Variants in LYPLAL1 observed in about 807,000 individuals in gnomAD.
LYPLAL1 encodes the protein lysophospholipase-like protein 1.
In LYPLAL1, 23 loss-of-function variants were observed where a neutral mutation model predicts 19.7. That is an observed-to-expected ratio of 1.17 (90% CI 0.84 to 1.65). The LOEUF (loss-of-function observed/expected upper bound fraction) is 1.65. LYPLAL1 is among the 40% of genes most tolerant of loss of function. The pLI, the probability that LYPLAL1 is intolerant of heterozygous loss-of-function variation, is 0.00. For missense variants in LYPLAL1, 355 were observed against 279.4 expected (o/e 1.27, Z -1.93); for synonymous variants, 119 against 96.3 (o/e 1.24, Z -1.38).
the LYPLAL1 span, among the ~76,000 whole-genome samples, chr1:219,333,880 T>C: frequency 1.3e-5 from 2 of 152,018 alleles, no homozygotes; most frequent in Non-Finnish European, 2.9e-5. Context: ...GCTGCCAACT[T>C]GCCCTCTTTC....
the LYPLAL1 span, among the ~76,000 whole-genome samples, chr1:219,309,720 C>A: frequency 2.0e-5 from 3 of 152,188 alleles, no homozygotes; most frequent in Non-Finnish European, 4.4e-5. Context: ...GATTCTGAGG[C>A]CTCCCCAGCC....
At chr1:219,274,841 TAA>T in the LYPLAL1 span, among the ~76,000 whole-genome samples, 7 of 152,196 alleles carry the variant, frequency 4.6e-5, no homozygotes, top group Non-Finnish European at 7.3e-5. Context: ...AATTACTTGT[TAA>T]AAGTTTACAT....
the LYPLAL1 span, among the ~76,000 whole-genome samples, chr1:219,384,554 A>C: frequency 3.9e-5 from 6 of 152,218 alleles, no homozygotes; most frequent in African/African-American, 9.6e-5. Flanking sequence ...TGATTGAATT[A>C]AAATGTATAG....
the LYPLAL1 span, chr1:219,270,882 A>T: frequency 6.6e-6 from 1 of 152,154 alleles, no homozygotes; most frequent in African/African-American, 2.4e-5. Context: ...GGGGGAAACA[A>T]ACAAGAAAAG....
At chr1:219,443,022 A>G in the LYPLAL1 span, among the ~76,000 whole-genome samples, 1 of 151,958 alleles carries the variant, frequency 6.6e-6, no homozygotes, top group African/African-American at 2.4e-5. Flanking sequence ...AGCCTATCTA[A>G]TGGGCCTCTG....
At chr1:219,324,280 G>A in the LYPLAL1 span, among the ~76,000 whole-genome samples, 1 of 152,206 alleles carries the variant, frequency 6.6e-6, no homozygotes, top group Non-Finnish European at 1.5e-5. Context: ...AGGGATAAGT[G>A]TGACCACGAG....
downstream of LYPLAL1, among the ~76,000 whole-genome samples, chr1:219,215,368 T>C (rs1659254458): frequency 3.3e-5 from 5 of 152,250 alleles, no homozygotes; most frequent in South Asian, 1.0e-3. Context: ...TTGTGTCTTT[T>C]TATTCTTGCT....
intron 2 of LYPLAL1, among the ~76,000 whole-genome samples, chr1:219,183,997 T>C (rs2125040074): frequency 1.3e-5 from 2 of 152,048 alleles, no homozygotes; most frequent in East Asian, 1.9e-4. Flanking sequence ...CACAGCTGTA[T>C]AGAAAATTTT....
At chr1:219,259,679 C>T in the LYPLAL1 span, among the ~76,000 whole-genome samples, 1 of 151,248 alleles carries the variant, frequency 6.6e-6, no homozygotes, top group Non-Finnish European at 1.5e-5. Flanking sequence ...AGACTATACC[C>T]TGGGTATAGG....
chr1:219,315,880 AT>A, the LYPLAL1 span, among the ~76,000 whole-genome samples: 1 of 152,196 alleles, frequency 6.6e-6, no homozygotes, highest in Non-Finnish European at 1.5e-5. Context: ...TAATGGAATA[AT>A]TTAAATTCTT....
At chr1:219,201,233 A>C (rs955539896) in intron 3 of LYPLAL1, among the ~76,000 whole-genome samples, 1 of 152,002 alleles carries the variant, frequency 6.6e-6, no homozygotes, top group Non-Finnish European at 1.5e-5. Flanking sequence ...ATCTTTTATA[A>C]TTGTTTTGAA....
chr1:219,260,124 A>G, the LYPLAL1 span, among the ~76,000 whole-genome samples: 1 of 152,020 alleles, frequency 6.6e-6, no homozygotes, highest in Non-Finnish European at 1.5e-5. Flanking sequence ...TGAAGAGGAA[A>G]TATCAAAATA....
the LYPLAL1 span, among the ~76,000 whole-genome samples, chr1:219,389,521 C>A: frequency 6.6e-6 from 1 of 152,124 alleles, no homozygotes. Flanking sequence ...ATGTAAATTG[C>A]CCCTTAAAAG....
At chr1:219,326,748 T>G in the LYPLAL1 span, among the ~76,000 whole-genome samples, 1 of 152,248 alleles carries the variant, frequency 6.6e-6, no homozygotes, top group Admixed American at 6.5e-5. Context: ...GGAAAAAGTG[T>G]CTCTTGCTCC....
the LYPLAL1 span, among the ~76,000 whole-genome samples, chr1:219,265,106 G>A: frequency 6.6e-6 from 1 of 152,120 alleles, no homozygotes; most frequent in Non-Finnish European, 1.5e-5. Flanking sequence ...AGCATTAATG[G>A]CAATAAATGG....
At chr1:219,321,108 T>G in the LYPLAL1 span, among the ~76,000 whole-genome samples, 1 of 152,200 alleles carries the variant, frequency 6.6e-6, no homozygotes, top group Non-Finnish European at 1.5e-5. Context: ...ACCTGTTGTT[T>G]CCTGATTTTT....
the LYPLAL1 span, among the ~76,000 whole-genome samples, chr1:219,223,759 A>G: frequency 4.6e-5 from 7 of 152,176 alleles, no homozygotes; most frequent in Admixed American, 1.3e-4. Context: ...TTAAGAAGCA[A>G]TGAGAAAGTT....
chr1:219,256,994 G>C, the LYPLAL1 span, among the ~76,000 whole-genome samples: 1 of 151,818 alleles, frequency 6.6e-6, no homozygotes, highest in Admixed American at 6.6e-5. Context: ...GTAAATTTTA[G>C]TAAATATTCC....
chr1:219,316,073 G>A, the LYPLAL1 span, among the ~76,000 whole-genome samples: 2,788 of 152,230 alleles, frequency 0.018, 45 homozygotes, highest in Non-Finnish European at 0.028. Flanking sequence ...AAGCAGATAC[G>A]CTTACAGGTT....
Sources: allele counts gnomAD v4.1 joint callset (sites outside exome capture counted in the v4.1 genomes callset), GRCh38; gene constraint gnomAD v4.1.1; transcripts MANE v1.5; gene names NCBI Gene and HGNC (gene_info 2026-07-23, HGNC 2026-07-21).